NIN: variants seen among roughly 807,000 people sequenced by gnomAD.
NIN encodes the protein ninein.
NIN carries 137 observed loss-of-function variants against 257.6 expected under a neutral mutation model. The ratio of observed to expected loss-of-function variants is 0.53; its 90% CI spans 0.46 to 0.61. The LOEUF is 0.61. Among genes scored for constraint, NIN ranks in the 20% least tolerant of loss-of-function variants. NIN has a pLI of 0.00. For missense variants in NIN, 2,439 were observed against 2,501.2 expected (o/e 0.98, Z 0.53); for synonymous variants, 918 against 919.8 (o/e 1.00, Z 0.04).
intron 14 of NIN, among the ~76,000 whole-genome samples, chr14:50,765,237 A>T (rs1333683661): frequency 6.6e-6 from 1 of 152,152 alleles, no homozygotes; most frequent in Middle Eastern, 3.2e-3. Flanking sequence ...ATTCCGTCTT[A>T]AAAAAAGTAA....
At chr14:50,732,720 TTTTTTTG>T (rs565255886) in intron 28 of NIN, among the ~76,000 whole-genome samples, 22 of 102,460 alleles carry the variant, frequency 2.1e-4, no homozygotes, top group East Asian at 1.8e-3. Context: ...TTTTTGTTTG[TTTTTTTG>T]TTTTTTGGGT....
chr14:50,754,936 G>T, intron 18 of NIN, 69 bp from the exon 19 acceptor site: 1 of 1,103,140 alleles, frequency 9.1e-7, no homozygotes, highest in Non-Finnish European at 1.3e-6. Flanking sequence ...ATATTTTCTA[G>T]TAACTTCCAA....
At chr14:50,791,283 A>G (rs187849635) in intron 5 of NIN, among the ~76,000 whole-genome samples, 27 of 152,314 alleles carry the variant, frequency 1.8e-4, no homozygotes, top group African/African-American at 6.0e-4. Context: ...TTTTGTGCAT[A>G]TGAGTATATG....
intron 28 of NIN, among the ~76,000 whole-genome samples, chr14:50,732,784 G>C (rs890767894): frequency 6.6e-6 from 1 of 152,026 alleles, no homozygotes; most frequent in African/African-American, 2.4e-5. Context: ...CTGGAGTGCA[G>C]TGGTGCGATC....
intron 3 of NIN, among the ~76,000 whole-genome samples, chr14:50,811,377 G>C (rs946266311): frequency 8.6e-5 from 13 of 151,814 alleles, no homozygotes; most frequent in African/African-American, 2.7e-4. Context: ...CCAAAGTGTT[G>C]GGATTACAGG....
At chr14:50,753,857 A>G (rs2041907942) in intron 20 of NIN, among the ~76,000 whole-genome samples, 1 of 152,090 alleles carries the variant, frequency 6.6e-6, no homozygotes, top group Admixed American at 6.6e-5. Flanking sequence ...CTAATCACTA[A>G]TAAGGCTAAC....
At chr14:50,764,658 C>T (rs761094545) in intron 14 of NIN, among the ~76,000 whole-genome samples, 5 of 152,044 alleles carry the variant, frequency 3.3e-5, no homozygotes, top group African/African-American at 7.2e-5. Flanking sequence ...AACTGATACA[C>T]GCTACAACAT....
At chr14:50,796,181 T>C (rs1291925251) in intron 4 of NIN, among the ~76,000 whole-genome samples, 1 of 152,302 alleles carries the variant, frequency 6.6e-6, no homozygotes, top group East Asian at 1.9e-4. Context: ...TAAAGTGGGC[T>C]TCAAAGGAAA....
intron 2 of NIN, among the ~76,000 whole-genome samples, chr14:50,828,968 A>G (rs1595966249): frequency 1.4e-5 from 2 of 146,620 alleles, no homozygotes; most frequent in South Asian, 4.1e-4. Flanking sequence ...ATTTTAATGC[A>G]GACTGTATGA....
At chr14:50,773,192 C>T (rs2042799083) in intron 7 of NIN, 97 bp from the exon 8 acceptor site, 1 of 824,000 alleles carries the variant, frequency 1.2e-6, no homozygotes, top group East Asian at 2.7e-5. Flanking sequence ...ATGGTTGGTC[C>T]CAGGACTCCA....
chr14:50,762,413 C>T (rs1398550851), intron 15 of NIN, among the ~76,000 whole-genome samples: 2 of 152,198 alleles, frequency 1.3e-5, no homozygotes, highest in Non-Finnish European at 2.9e-5. Flanking sequence ...CTCAGCATTA[C>T]AGAAGACTGC....
chr14:50,804,869 C>T (rs779328008), intron 4 of NIN, among the ~76,000 whole-genome samples: 7 of 152,106 alleles, frequency 4.6e-5, no homozygotes, highest in Admixed American at 1.3e-4. Context: ...TGTGTTGGGC[C>T]GCATTCAAAA....
At chr14:50,747,858 G>A in intron 22 of NIN, 134 bp downstream of exon 22, 1 of 634,060 alleles carries the variant, frequency 1.6e-6, no homozygotes, top group Non-Finnish European at 2.8e-6. Flanking sequence ...TTGCCAAGCA[G>A]TATGTCCTCA....
intron 2 of NIN, among the ~76,000 whole-genome samples, chr14:50,828,572 G>A (rs774559121): frequency 5.3e-5 from 8 of 152,122 alleles, no homozygotes; most frequent in Non-Finnish European, 1.2e-4. Context: ...ATAAAAATAA[G>A]CCTTCTAAAA....
chr14:50,757,037 C>A lies in NIN; in HGVS notation c.3993G>T (p.Lys1331Asn). ...CCACGCTTTCCTGAAGCTTCTCAAT[C>A]TTGCCTTGAAGTCTCAAAACCAGAA... is the stretch of plus-strand genomic sequence containing the variant. ...LNVLVLRLQG[K>N]IEKLQESVVQ... Residue 1331 changes from lysine to asparagine, a missense_variant, in exon 18 of 31, where the codon AAG becomes AAT. By Grantham distance (94) the Lys-to-Asn change is moderately conservative. This residue lies in a region of NIN where 2,043 missense variants were observed against 2,050.2 expected (regional missense o/e 1.00). Transcript: ENST00000530997. 6.2e-7 allele frequency: 1 copy of A among 1,613,452 alleles called. No homozygotes were observed. The highest frequency in any genetic ancestry group is 8.5e-7 in the Non-Finnish European group (1 of 1,179,792).
rs1423351034 is a variant in NIN at position 50,756,615 on chromosome 14, ACTCT to A, written c.4411_4414del (p.Arg1471SerfsTer4). ...ATCTTTTTGCTTAACTAAAATAGTGACTCTCTCCTTCAACTTCCTAGTCAGCTCC... is the reference window on the plus strand; with the variant it reads ...ATCTTTTTGCTTAACTAAAATAGTGACTCCTTCAACTTCCTAGTCAGCTCC... On this transcript the variant is annotated frameshift_variant, in exon 18 of 31. Coordinates refer to ENST00000530997, the MANE Select transcript of NIN (RefSeq NM_020921.4). LOFTEE classifies it high-confidence loss of function. 6.3e-7 allele frequency: 1 copy of A among 1,574,882 alleles called. No homozygotes were observed. The highest frequency in any genetic ancestry group is 8.6e-7 in the Non-Finnish European group (1 of 1,158,166).
intron 21 of NIN, among the ~76,000 whole-genome samples, chr14:50,751,564 AATTTT>A (rs904553393): frequency 3.3e-4 from 50 of 152,222 alleles, no homozygotes; most frequent in African/African-American, 9.9e-4. Context: ...CCATTTTAAT[AATTTT>A]ATTTTATTAT....
chr14:50,772,963 G>A lies in NIN; in HGVS notation c.799C>T (p.His267Tyr), dbSNP rs771289635. The A allele has an allele frequency of 6.2e-7, 1 of 1,609,898 alleles. No individual in the cohort carries two copies. The highest frequency in any genetic ancestry group is 8.5e-7 in the Non-Finnish European group (1 of 1,178,850). ...TTATTTTTTACCTGCATGGAAAGGT[G>A]CCTTTTTAGTTGTCTATATGGAGTA... ...ASTPYRQLKR[H>Y]LSMQSFDESG... The change falls in exon 8 of 31, where the codon CAC (histidine) becomes TAC (tyrosine). Residue 267 changes from histidine to tyrosine, a missense_variant. Transcript: ENST00000530997.
intron 27 of NIN, among the ~76,000 whole-genome samples, chr14:50,736,194 A>T (rs1425867302): frequency 1.8e-5 from 2 of 108,314 alleles, no homozygotes; most frequent in East Asian, 1.7e-3. Context: ...GTGCAGTGGC[A>T]CAGTCTCAGC....
Sources: allele counts gnomAD v4.1 joint callset (sites outside exome capture counted in the v4.1 genomes callset), GRCh38; gene constraint gnomAD v4.1.1; regional missense constraint gnomAD v4.1.1; transcripts MANE v1.5; gene names NCBI Gene and HGNC (gene_info 2026-07-23, HGNC 2026-07-21).